The following SUN2 variants were observed in gnomAD, a reference collection of about 807,000 sequenced individuals.
The protein encoded by SUN2 is Sad1 and UNC84 domain containing 2.
In SUN2, 60 loss-of-function variants were observed where a neutral mutation model predicts 100.0. That is an observed-to-expected ratio of 0.60 (90% confidence interval 0.49 to 0.74). The LOEUF (loss-of-function observed/expected upper bound fraction) is 0.74, where lower values mean the gene tolerates loss of function less well. Ranked by LOEUF, SUN2 falls within the 30% of genes least tolerant of loss-of-function variation. SUN2 has a pLI of 0.00. For synonymous variants in SUN2, 367 were observed against 403.3 expected (o/e 0.91, Z 1.08); for missense variants, 834 against 954.6 (o/e 0.87, Z 1.66).
intron 1 of SUN2, among the ~76,000 whole-genome samples, chr22:38,754,335 C>T (rs1039115152): frequency 6.6e-6 from 1 of 152,160 alleles, no homozygotes; most frequent in African/African-American, 2.4e-5. Flanking sequence ...CTTAAATGAC[C>T]AGTTCTCTGG....
intron 9 of SUN2, 80 bp from the exon 10 acceptor site, chr22:38,741,651 G>A (rs2092858845): frequency 1.3e-5 from 17 of 1,356,100 alleles, no homozygotes; most frequent in South Asian, 5.9e-5. Context: ...GGCGGAACTG[G>A]AATTCAAACA....
chr22:38,754,130 G>A (rs1021204743), intron 1 of SUN2, among the ~76,000 whole-genome samples: 5 of 152,158 alleles, frequency 3.3e-5, no homozygotes, highest in Non-Finnish European at 7.4e-5. Context: ...GCAAAGATCT[G>A]GCAAGAGGTA....
intron 1 of SUN2, among the ~76,000 whole-genome samples, chr22:38,753,063 G>A (rs1034866483): frequency 2.0e-5 from 3 of 152,134 alleles, no homozygotes; most frequent in Non-Finnish European, 2.9e-5. Flanking sequence ...CTGCACGCCC[G>A]GTGGTCCAGC....
chr22:38,745,809 C>T lies in SUN2; in HGVS notation c.688G>A (p.Ala230Thr). Residue 230 changes from alanine (A) to threonine (T), a missense_variant and splice_region_variant, in exon 8 of 18, where the codon GCT becomes ACT. By Grantham distance (58) the Ala-to-Thr change is moderately conservative. Around this residue, in one of 3 missense-constraint regions of SUN2, gnomAD observed 559 missense variants for 597.7 expected, o/e 0.94. Transcript: ENST00000689035. ...AGCCCATAGGGGTAGAAATACCAAG[C>T]ACCTGTGCACAGGGGAGAGGGTGTT... ...LLLLTCLTYGAWYFYPYGLQT... is the reference protein window; with the variant it reads ...LLLLTCLTYGTWYFYPYGLQT... The T allele has an allele frequency of 3.7e-6, 6 of 1,613,774 alleles. No homozygotes were observed. Among genetic ancestry groups the T allele is most frequent in the Non-Finnish European group, 3.4e-6 (4 of 1,179,892 alleles).
intron 6 of SUN2, among the ~76,000 whole-genome samples, chr22:38,749,550 G>A (rs1027204940): frequency 5.3e-5 from 8 of 152,162 alleles, no homozygotes; most frequent in Admixed American, 4.6e-4. Context: ...ATCCTGCCTC[G>A]AAGGGCTATC....
chr22:38,739,171 C>A lies in SUN2; in HGVS notation c.1663+171G>T. 1.1e-6 allele frequency: 1 copy of A among 893,748 alleles called. No individual in the cohort carries two copies. The highest frequency in any genetic ancestry group is 1.6e-5 in the South Asian group (1 of 64,086). The allele number at this position is 893,748 out of a possible 1,614,324, so 55.4% of individuals were successfully genotyped here. A position where few individuals can be genotyped will look rare whatever the true frequency, so the allele number is the denominator to read the frequency against. On this transcript the variant is annotated intron_variant, in intron 14 of 17. Transcript: ENST00000689035. This position sits in a 1 kb window ranked among gnomAD's most constrained non-coding sequence, Gnocchi z 6.7. Reference sequence around the variant, plus strand: ...CCCTGGCCCAGGATGGTACTCGGTACGTCCTGACTTCCCTGAATTGCCACT... The same window carrying A: ...CCCTGGCCCAGGATGGTACTCGGTAAGTCCTGACTTCCCTGAATTGCCACT...
Position 38,752,637 on chromosome 22 carries a change from G to A in SUN2, c.-9C>T, listed in dbSNP as rs2092955495. 1 of 1,613,248 alleles carries A rather than the reference G, an allele frequency of 6.2e-7. No individual in the cohort carries two copies. The highest frequency in any genetic ancestry group is 8.5e-7 in the Non-Finnish European group (1 of 1,179,864). Reference sequence around the variant, plus strand: ...TGGCTTCTTCGGGACATGATGAGGTGGGATGTGGACTCTTCCCCTGAAGAG... The same window carrying A: ...TGGCTTCTTCGGGACATGATGAGGTAGGATGTGGACTCTTCCCCTGAAGAG... On this transcript the variant is annotated 5_prime_UTR_variant, in exon 2 of 18. Transcript: ENST00000689035.
At chr22:38,741,471 C>T (rs745732967) in intron 10 of SUN2, 23 bp downstream of exon 10, 1 of 1,612,778 alleles carries the variant, frequency 6.2e-7, no homozygotes, top group South Asian at 1.1e-5. Flanking sequence ...GTCACAGGCC[C>T]TGAGTGCCGC....
In SUN2 at chr22:38,739,746, T is replaced by G. The variant is rs779171958; in HGVS notation, c.1554A>C (p.Glu518Asp). The G allele has an allele frequency of 6.2e-6, 10 of 1,613,674 alleles. No individual in the cohort carries two copies. The South Asian group carries it at 1.1e-4, about 18-fold the overall frequency. Reference protein sequence around the residue: ...AASLSLTLQKEGVIGVTEEQV... With the variant: ...AASLSLTLQKDGVIGVTEEQV... ...CCTCCTCTGTCACTCCAATCACACC[T>G]TCTTTCTGCAGCGTCAGGCTCAGGG... The change falls in exon 13 of 18, where the codon GAA becomes GAC. Residue 518 changes from glutamate to aspartate, a missense_variant. Physicochemically the swap from Glu to Asp is conservative, Grantham distance 45 (BLOSUM62 2). Around this residue, in one of 3 missense-constraint regions of SUN2, gnomAD observed 195 missense variants for 280.2 expected, o/e 0.70. Coordinates refer to ENST00000689035, the MANE Select transcript of SUN2 (RefSeq NM_015374.3). This position sits in a 1 kb window ranked among gnomAD's most constrained non-coding sequence, Gnocchi z 6.7.
At chr22:38,741,134 C>G in intron 10 of SUN2, 84 bp from the exon 11 acceptor site, 2 of 1,464,292 alleles carry the variant, frequency 1.4e-6, no homozygotes, top group Non-Finnish European at 1.9e-6. Flanking sequence ...CTGTTAGCGT[C>G]TTTGCTTAAC....
At chr22:38,752,474 G>A (rs992733026) in intron 2 of SUN2, 33 bp downstream of exon 2, 2 of 1,584,972 alleles carry the variant, frequency 1.3e-6, no homozygotes, top group Non-Finnish European at 1.7e-6. Flanking sequence ...TTGTGGGGCT[G>A]TCAGGGGCCG....
intron 1 of SUN2, chr22:38,754,603 TCCCCTCCCC>T: frequency 1.1e-6 from 1 of 889,148 alleles, no homozygotes; most frequent in Non-Finnish European, 1.6e-6. Flanking sequence ...TAAGGTAATC[TCCCCTCCCC>T]CCTCCCTGCC....
chr22:38,739,959 G>T lies in SUN2; in HGVS notation c.1357-16C>A. On this transcript the variant is annotated splice_polypyrimidine_tract_variant and intron_variant, in intron 12 of 17. Transcript: ENST00000689035. The surrounding 1 kb of genome is among the most constrained non-coding windows in gnomAD (Gnocchi z 6.7). ...GAGATTCCACCTATAGGAACCCAAA[G>T]GGGTGTCACCCTGGGGGGCTTGCAG... The T allele has an allele frequency of 6.2e-7, 1 of 1,606,638 alleles. No individual in the cohort carries two copies. Among genetic ancestry groups the T allele is most frequent in the Non-Finnish European group, 8.5e-7 (1 of 1,178,908 alleles).
chr22:38,751,389 G>T lies in SUN2; in HGVS notation c.123-16C>A. 1 of 1,612,640 alleles carries T rather than the reference G, an allele frequency of 6.2e-7. No homozygotes were observed. Reference sequence around the variant, plus strand: ...CTTCAAGGTCCTGTGGGACAACCATGAGGGCAGAGGTAGGGAGCAGGGAGG... The same window carrying T: ...CTTCAAGGTCCTGTGGGACAACCATTAGGGCAGAGGTAGGGAGCAGGGAGG... On this transcript the variant is annotated splice_polypyrimidine_tract_variant and intron_variant, in intron 2 of 17. Coordinates refer to ENST00000689035, the MANE Select transcript of SUN2 (RefSeq NM_015374.3).
At chr22:38,754,522 G>T in intron 1 of SUN2, 1 of 877,082 alleles carries the variant, frequency 1.1e-6, no homozygotes, top group Non-Finnish European at 1.6e-6. Context: ...AGCTGGTGTT[G>T]GAAAAGGGAC....
chr22:38,755,506 C>G lies in SUN2; in HGVS notation c.-38+257G>C. The G allele has an allele frequency of 1.0e-6, 1 of 985,578 alleles. No homozygotes were observed. Among genetic ancestry groups the G allele is most frequent in the Non-Finnish European group, 1.2e-6 (1 of 829,708 alleles). The allele number at this position is 985,578 out of a possible 1,614,324, so 61.1% of individuals were successfully genotyped here. On this transcript the variant is annotated intron_variant, in intron 1 of 17. Transcript: ENST00000689035. This position sits in a 1 kb window ranked among gnomAD's most constrained non-coding sequence, Gnocchi z 5.7. ...GCAGTCGGCCTTTGCCCTCCTCCTC[C>G]CGGGAGGCTGCCCGGGAAGTCCCGC...
Position 38,736,307 on chromosome 22 carries a change from C to G in SUN2, c.2114G>C (p.Cys705Ser), listed in dbSNP as rs377445434. 1.7e-5 allele frequency: 27 copies of G among 1,613,868 alleles called. No homozygotes were observed. The highest frequency in any genetic ancestry group is 2.1e-5 in the Non-Finnish European group (25 of 1,179,916). Residue 705 changes from cysteine (C) to serine (S), a missense_variant, in exon 18 of 18, where the codon TGC (cysteine) becomes TCC (serine). Cys to Ser is a moderately radical substitution (Grantham distance 112). Transcript: ENST00000689035. ...CCCATGCACTCTGAAGCGGTAGATG[C>G]AGGTGTACTCGGGGTGGCCCCAGTT... The part of the protein sequence containing the change: ...LTNWGHPEYT[C>S]IYRFRVHGEP...
At chr22:38,754,447 C>T (rs1419546647) in intron 1 of SUN2, among the ~76,000 whole-genome samples, 1 of 152,230 alleles carries the variant, frequency 6.6e-6, no homozygotes, top group Non-Finnish European at 1.5e-5. Context: ...AACAAGCAGC[C>T]TCATGTCCTG....
At chr22:38,746,902 C>T (rs1438873850) in intron 7 of SUN2, among the ~76,000 whole-genome samples, 1 of 152,016 alleles carries the variant, frequency 6.6e-6, no homozygotes, top group Non-Finnish European at 1.5e-5. Flanking sequence ...GGCGTGGTGG[C>T]GGCCGCCTGT....
Sources: gnomAD v4.1 joint callset for allele counts (sites outside exome capture counted in the v4.1 genomes callset) on GRCh38, gnomAD v4.1.1 for gene constraint, gnomAD v4.1.1 regional missense constraint, Gnocchi (gnomAD v3.1) non-coding constraint, MANE v1.5 for transcripts, NCBI Gene and HGNC (gene_info 2026-07-23, HGNC 2026-07-21) for gene names.